Variants in AGBL4 observed in about 807,000 individuals in gnomAD.
AGBL4 encodes AGBL carboxypeptidase 4.
In AGBL4, 58 loss-of-function variants were observed where a neutral mutation model predicts 66.4. The observed-to-expected ratio is 0.87, with a 90% confidence interval of 0.71 to 1.09. The LOEUF (loss-of-function observed/expected upper bound fraction) is 1.09. Among genes scored for constraint, AGBL4 ranks in the 50% least tolerant of loss-of-function variants. The pLI is 0.00. For synonymous variants in AGBL4, 234 were observed against 222.9 expected (o/e 1.05, Z -0.44); for missense variants, 579 against 631.0 (o/e 0.92, Z 0.88).
intron 5 of AGBL4, among the ~76,000 whole-genome samples, chr1:48,869,185 C>A (rs1284528084): frequency 1.3e-5 from 2 of 152,216 alleles, no homozygotes; most frequent in Non-Finnish European, 2.9e-5. Flanking sequence ...ATAATTCATT[C>A]CAGTTGACAC....
At chr1:49,900,011 C>T (rs1446533248) in intron 1 of AGBL4, among the ~76,000 whole-genome samples, 1 of 151,922 alleles carries the variant, frequency 6.6e-6, no homozygotes, top group African/African-American at 2.4e-5. Context: ...CACTGCACTC[C>T]AGCCTGGGTG....
chr1:49,090,030 A>C (rs1644975242), intron 4 of AGBL4, among the ~76,000 whole-genome samples: 1 of 152,196 alleles, frequency 6.6e-6, no homozygotes, highest in Non-Finnish European at 1.5e-5. Context: ...CTTTTGATAA[A>C]AATCAGCATG....
chr1:49,566,783 C>A (rs1220254771), intron 3 of AGBL4, among the ~76,000 whole-genome samples: 2 of 46,036 alleles, frequency 4.3e-5, no homozygotes, highest in Non-Finnish European at 1.6e-4. Context: ...ATTCTCAGAT[C>A]TCAAGCTGCG....
chr1:48,839,922 A>G (rs533439390), intron 6 of AGBL4, among the ~76,000 whole-genome samples: 1 of 152,218 alleles, frequency 6.6e-6, no homozygotes, highest in Admixed American at 6.5e-5. Context: ...TTTTTATATA[A>G]GAAGTCCTGT....
chr1:49,193,543 T>C (rs1647163825), intron 4 of AGBL4, among the ~76,000 whole-genome samples: 1 of 151,984 alleles, frequency 6.6e-6, no homozygotes, highest in African/African-American at 2.4e-5. Flanking sequence ...TTTTTTTTTT[T>C]TTGAGATGGA....
At chr1:49,148,661 TA>T (rs1372736213) in intron 4 of AGBL4, among the ~76,000 whole-genome samples, 4 of 152,192 alleles carry the variant, frequency 2.6e-5, no homozygotes, top group Admixed American at 2.0e-4. Context: ...TAGACGTGCC[TA>T]ACTTGAAATT....
At position 48,635,505 on chromosome 1, in the gene AGBL4, C is replaced by T. The variant is rs147045103; in HGVS notation, c.840-901G>A. 3.9e-5 allele frequency among the ~76,000 whole-genome samples: 6 copies of T among 152,316 alleles called. No homozygotes were observed. The East Asian group carries it at 5.8e-4, about 15-fold the overall frequency. ...TAGCCTCTCTGGCAAGTCCATCCTT[C>T]GTGAGTGTGGGATAATGCCCCCATG... On this transcript the variant is annotated intron_variant, in intron 8 of 13. Coordinates refer to ENST00000371839, the MANE Select transcript of AGBL4 (RefSeq NM_032785.4).
intron 6 of AGBL4, among the ~76,000 whole-genome samples, chr1:48,861,417 A>T (rs1430779858): frequency 1.3e-5 from 2 of 152,216 alleles, no homozygotes. Context: ...TACTCAGAGT[A>T]TCAAGCAGGA....
chr1:49,739,661 G>C (rs1240047098), intron 2 of AGBL4, among the ~76,000 whole-genome samples: 1 of 152,120 alleles, frequency 6.6e-6, no homozygotes, highest in African/African-American at 2.4e-5. Flanking sequence ...AGAAAGGTTG[G>C]GTTACCCACA....
chr1:48,846,417 G>GAAATAAAT (rs912552571), intron 6 of AGBL4, among the ~76,000 whole-genome samples: 39 of 142,210 alleles, frequency 2.7e-4, no homozygotes, highest in Middle Eastern at 3.6e-3. Flanking sequence ...AAGAAAGAAA[G>GAAATAAAT]AAAGAAATTC....
chr1:49,512,664 G>A (rs980420043), intron 3 of AGBL4, among the ~76,000 whole-genome samples: 9 of 151,816 alleles, frequency 5.9e-5, no homozygotes, highest in Non-Finnish European at 8.8e-5. Flanking sequence ...GATGCTTCTT[G>A]TACAGCCTGC....
chr1:49,391,559 T>TG (rs1405137511), intron 3 of AGBL4, among the ~76,000 whole-genome samples: 4 of 86,518 alleles, frequency 4.6e-5, no homozygotes, highest in African/African-American at 2.0e-4. Context: ...AGTTTTTTTT[T>TG]TTTGTTTTTT....
At chr1:48,776,528 T>G in intron 6 of AGBL4, 12 of 660,368 alleles carry the variant, frequency 1.8e-5, no homozygotes, top group Non-Finnish European at 2.2e-5. Context: ...CCCGGTCCCC[T>G]CCGCCCGGGC....
chr1:48,618,012 T>C lies in AGBL4; in HGVS notation c.951+16481A>G, dbSNP rs77137995. On this transcript the variant is annotated intron_variant, in intron 9 of 13. Coordinates refer to ENST00000371839, the MANE Select transcript of AGBL4 (RefSeq NM_032785.4). Reference sequence around the variant, plus strand: ...TAGAGTCAGAAGAACCGAGATTCAATACTGACTCTGTCTCTTGGGAAAGTT... The same window carrying C: ...TAGAGTCAGAAGAACCGAGATTCAACACTGACTCTGTCTCTTGGGAAAGTT... Among the ~76,000 whole-genome samples, 439 of 152,284 alleles carry C rather than the reference T, an allele frequency of 2.9e-3. 5 individuals carry two copies. The highest frequency in any genetic ancestry group is 9.8e-3 in the African/African-American group (407 of 41,552).
chr1:49,357,114 G>C (rs565757648), intron 3 of AGBL4, among the ~76,000 whole-genome samples: 5 of 152,296 alleles, frequency 3.3e-5, no homozygotes, highest in African/African-American at 9.6e-5. Flanking sequence ...GGCATATAAA[G>C]TGACTGGGGG....
At chr1:49,149,994 A>G (rs1175764177) in intron 4 of AGBL4, among the ~76,000 whole-genome samples, 3 of 152,240 alleles carry the variant, frequency 2.0e-5, no homozygotes, top group African/African-American at 7.2e-5. Context: ...CTACATCTTC[A>G]TCTAAATTCA....
chr1:49,369,395 T>C (rs530823969), intron 3 of AGBL4, among the ~76,000 whole-genome samples: 1 of 152,328 alleles, frequency 6.6e-6, no homozygotes, highest in East Asian at 1.9e-4. Flanking sequence ...TAACTTCTTG[T>C]CTTAATCAAC....
chr1:48,631,122 G>T (rs1645586416), intron 9 of AGBL4, among the ~76,000 whole-genome samples: 1 of 152,198 alleles, frequency 6.6e-6, no homozygotes, highest in Non-Finnish European at 1.5e-5. Context: ...AGGCAACCTG[G>T]ACAGGAGGAG....
intron 5 of AGBL4, among the ~76,000 whole-genome samples, chr1:48,920,702 G>C (rs1395104010): frequency 6.6e-6 from 1 of 152,176 alleles, no homozygotes; most frequent in Non-Finnish European, 1.5e-5. Context: ...ACACCTTGCT[G>C]TTTGAGGTGT....
Sources: gnomAD v4.1 joint callset for allele counts (sites outside exome capture counted in the v4.1 genomes callset) on GRCh38, gnomAD v4.1.1 for gene constraint, MANE v1.5 for transcripts, NCBI Gene and HGNC (gene_info 2026-07-23, HGNC 2026-07-21) for gene names.